INTS7: variants seen among roughly 807,000 people sequenced by gnomAD.
The protein encoded by INTS7 is integrator complex subunit 7.
In INTS7, 46 loss-of-function variants were observed where a neutral mutation model predicts 109.2. The observed-to-expected ratio is 0.42, with a 90% confidence interval of 0.33 to 0.54. The LOEUF is 0.54. Ranked by LOEUF, INTS7 falls within the 20% of genes least tolerant of loss-of-function variation. The pLI is 0.07. For missense variants in INTS7, 929 were observed against 1,132.4 expected (o/e 0.82, Z 2.58); for synonymous variants, 412 against 402.9 (o/e 1.02, Z -0.27).
At position 211,997,622 on chromosome 1, in the gene INTS7, T is replaced by C. The variant is rs78309975; in HGVS notation, c.879+9017A>G. Among the ~76,000 whole-genome samples the C allele has an allele frequency of 4.9e-3, 731 of 149,498 alleles. 1 individual carries two copies. The highest frequency in any genetic ancestry group is 7.7e-3 in the South Asian group (36 of 4,670). On this transcript the variant is annotated intron_variant, in intron 7 of 19. Coordinates refer to ENST00000366994, the MANE Select transcript of INTS7 (RefSeq NM_015434.4). ...GGCCAGGCACAGTGGCTCTCACCTATAATCCCAGCACTTTCGGAGGCTGAG... is the reference window on the plus strand; with the variant it reads ...GGCCAGGCACAGTGGCTCTCACCTACAATCCCAGCACTTTCGGAGGCTGAG...
chr1:211,942,595 T>A lies in INTS7; in HGVS notation c.2602-484A>T, dbSNP rs1043557618. On this transcript the variant is annotated intron_variant, in intron 19 of 19. Coordinates refer to ENST00000366994, the MANE Select transcript of INTS7 (RefSeq NM_015434.4). The surrounding 1 kb of genome is among the most constrained non-coding windows in gnomAD (Gnocchi z 4.2). ...AAACACTAAGCAAATTTAAGTTAGGTTCCCCCCCAACAGTTAGTCTGATTT... is the reference window on the plus strand; with the variant it reads ...AAACACTAAGCAAATTTAAGTTAGGATCCCCCCCAACAGTTAGTCTGATTT... Among the ~76,000 whole-genome samples the A allele has an allele frequency of 2.5e-4, 38 of 152,268 alleles. No individual in the cohort carries two copies. Among genetic ancestry groups the A allele is most frequent in the Admixed American group, 1.9e-3 (29 of 15,290 alleles).
In INTS7 at chr1:211,941,938, G is replaced by A; in HGVS notation, c.2775C>T (p.Thr925=). 6.2e-7 allele frequency: 1 copy of A among 1,614,190 alleles called. No homozygotes were observed. Among genetic ancestry groups the A allele is most frequent in the Non-Finnish European group, 8.5e-7 (1 of 1,180,030 alleles). The change falls in exon 20 of 20, where the codon ACC becomes ACT. Residue 925 remains threonine (T), a synonymous_variant. Transcript: ENST00000366994. The part of the protein sequence containing the change: ...GIVWKTGPRT[T]IFVKSLEDPY... ...GGTCTTCCAGGGATTTTACAAATAT[G>A]GTAGTTCTGGGACCAGTCTTCCATA...
chr1:211,966,757 C>T lies in INTS7; in HGVS notation c.2115-259G>A, dbSNP rs375086440. Among the ~76,000 whole-genome samples the T allele has an allele frequency of 4.0e-4, 61 of 152,080 alleles. 2 individuals are homozygous for T. In the South Asian group the frequency reaches 0.011, roughly 27 times the overall value. On this transcript the variant is annotated intron_variant, in intron 15 of 19. Coordinates refer to ENST00000366994, the MANE Select transcript of INTS7 (RefSeq NM_015434.4). ...GAAGGGGAAATCAAGTGATAGGCCC[C>T]GTGATTCAATTACAGCAAGTCTGTT...
chr1:212,012,136 C>T (rs1232108712), intron 4 of INTS7, among the ~76,000 whole-genome samples: 1 of 152,116 alleles, frequency 6.6e-6, no homozygotes, highest in East Asian at 1.9e-4. Context: ...ACCACAGTTG[C>T]CACTAGGGGA....
intron 16 of INTS7, among the ~76,000 whole-genome samples, chr1:211,962,119 AAG>A (rs1436623952): frequency 5.3e-5 from 8 of 152,178 alleles, no homozygotes; most frequent in Non-Finnish European, 8.8e-5. Context: ...ATGGTATGCC[AAG>A]AGTCTCATCT....
Position 211,942,575 on chromosome 1 carries a change from C to G in INTS7, c.2602-464G>C, listed in dbSNP as rs540430923. Reference sequence around the variant, plus strand: ...TAAGAGACTGAAAAAGAACAAAACACTAAGCAAATTTAAGTTAGGTTCCCC... The same window carrying G: ...TAAGAGACTGAAAAAGAACAAAACAGTAAGCAAATTTAAGTTAGGTTCCCC... On this transcript the variant is annotated intron_variant, in intron 19 of 19. Coordinates refer to ENST00000366994, the MANE Select transcript of INTS7 (RefSeq NM_015434.4). This position sits in a 1 kb window ranked among gnomAD's most constrained non-coding sequence, Gnocchi z 4.2. Among the ~76,000 whole-genome samples, 1 of 152,286 alleles carries G rather than the reference C, an allele frequency of 6.6e-6. No individual in the cohort carries two copies. Among genetic ancestry groups the G allele is most frequent in the South Asian group, 2.1e-4 (1 of 4,812 alleles).
At chr1:211,981,215 T>C (rs907954418) in intron 9 of INTS7, 25 bp from the exon 10 acceptor site, 7 of 1,470,302 alleles carry the variant, frequency 4.8e-6, no homozygotes, top group Non-Finnish European at 6.7e-6. Flanking sequence ...GTAAACTTTA[T>C]GATGGTCAAG....
chr1:212,006,716 C>T lies in INTS7; in HGVS notation c.802G>A (p.Val268Ile), dbSNP rs1665926173. 4 of 1,604,490 alleles carry T rather than the reference C, an allele frequency of 2.5e-6. No homozygotes were observed. Among genetic ancestry groups the T allele is most frequent in the Admixed American group, 1.7e-5 (1 of 59,628 alleles). The change falls in exon 7 of 20, where the codon GTA becomes ATA. Residue 268 changes from valine (V) to isoleucine (I), a missense_variant. Physicochemically the swap from Val to Ile is conservative, Grantham distance 29. This residue lies in a region of INTS7 where 787 missense variants were observed against 901.1 expected (regional missense o/e 0.87). Transcript: ENST00000366994. ...QYLKNDPRKAVKRLAIQDLKL... is the reference protein window; with the variant it reads ...QYLKNDPRKAIKRLAIQDLKL... ...AGATCTTGAATAGCAAGTCTCTTTACTGCCTTCCTGGGATCATTCTTCAAA... is the reference window on the plus strand; with the variant it reads ...AGATCTTGAATAGCAAGTCTCTTTATTGCCTTCCTGGGATCATTCTTCAAA...
At chr1:211,979,958 A>G (rs755554219) in intron 10 of INTS7, among the ~76,000 whole-genome samples, 1 of 152,230 alleles carries the variant, frequency 6.6e-6, no homozygotes, top group Non-Finnish European at 1.5e-5. Flanking sequence ...AGTCCCCTAT[A>G]TAAACATCAG....
At chr1:211,964,615 A>G (rs1571855279) in intron 16 of INTS7, among the ~76,000 whole-genome samples, 1 of 152,358 alleles carries the variant, frequency 6.6e-6, no homozygotes, top group East Asian at 1.9e-4. Context: ...CTGGTATACA[A>G]AAAGACACAC....
Position 211,981,141 on chromosome 1 carries a change from C to T in INTS7, c.1182G>A (p.Leu394=). 3.1e-6 allele frequency: 5 copies of T among 1,613,496 alleles called. No individual in the cohort carries two copies. The highest frequency in any genetic ancestry group is 4.2e-6 in the Non-Finnish European group (5 of 1,179,650). ...QDAVFGLESL[L]VLCSQDDSPG... is the part of the protein sequence containing the mutation. The stretch of plus-strand genomic sequence containing the variant: ...GACTATCATCTTGACTACAAAGTAC[C>T]AGTAGGGATTCCAGGCCAAAGACAG... Residue 394 remains leucine (L), a synonymous_variant, in exon 10 of 20, where the codon CTG becomes CTA. Transcript: ENST00000366994.
intron 16 of INTS7, among the ~76,000 whole-genome samples, chr1:211,958,603 T>C (rs925983034): frequency 2.6e-5 from 4 of 152,232 alleles, no homozygotes; most frequent in Non-Finnish European, 5.9e-5. Context: ...TTAAATATTT[T>C]TCTGTTCCCC....
At chr1:211,978,841 T>G (rs1456599779) in intron 10 of INTS7, among the ~76,000 whole-genome samples, 1 of 152,218 alleles carries the variant, frequency 6.6e-6, no homozygotes, top group Non-Finnish European at 1.5e-5. Flanking sequence ...TTATCATTAC[T>G]TTTCAGGAAC....
intron 7 of INTS7, among the ~76,000 whole-genome samples, chr1:212,000,296 C>T (rs1364879504): frequency 6.6e-6 from 1 of 152,126 alleles, no homozygotes; most frequent in Non-Finnish European, 1.5e-5. Flanking sequence ...AGGTAAAAAA[C>T]TGACAGGACA....
chr1:212,012,267 G>C (rs150115193), intron 4 of INTS7, among the ~76,000 whole-genome samples: 39 of 152,074 alleles, frequency 2.6e-4, no homozygotes, highest in African/African-American at 8.2e-4. Context: ...TAGGAGATTG[G>C]GGGGGGAGGG....
intron 10 of INTS7, among the ~76,000 whole-genome samples, chr1:211,980,613 A>G (rs922006945): frequency 2.6e-5 from 4 of 151,602 alleles, no homozygotes; most frequent in Non-Finnish European, 4.4e-5. Context: ...ATTTTAAAAA[A>G]TTTTTCTAGA....
intron 5 of INTS7, among the ~76,000 whole-genome samples, chr1:212,010,146 G>A (rs1298661965): frequency 1.3e-5 from 2 of 152,090 alleles, no homozygotes; most frequent in South Asian, 2.1e-4. Flanking sequence ...CCTGTAAAAC[G>A]AACATAATGG....
At chr1:212,031,932 C>T (rs187881794) in intron 1 of INTS7, among the ~76,000 whole-genome samples, 239 of 152,306 alleles carry the variant, frequency 1.6e-3, no homozygotes, top group South Asian at 5.4e-3. Context: ...TTTCTAAGGA[C>T]ACCAGTGCCA....
chr1:212,016,596 A>G (rs1274297365), intron 4 of INTS7, among the ~76,000 whole-genome samples: 2 of 152,360 alleles, frequency 1.3e-5, no homozygotes, highest in South Asian at 2.1e-4. Context: ...TCCTCAGTCA[A>G]CAAAGCTTCT....
Sources: allele counts gnomAD v4.1 joint callset (sites outside exome capture counted in the v4.1 genomes callset), GRCh38; gene constraint gnomAD v4.1.1; regional missense constraint gnomAD v4.1.1; non-coding constraint Gnocchi (gnomAD v3.1); transcripts MANE v1.5; gene names NCBI Gene and HGNC (gene_info 2026-07-23, HGNC 2026-07-21).